Variants in NRXN3 observed in about 807,000 individuals in gnomAD.
The protein encoded by NRXN3 is neurexin 3, also known as neurexin III.
NRXN3 carries 32 observed loss-of-function variants against 137.6 expected under a neutral mutation model. That is an observed-to-expected ratio of 0.23 (90% CI 0.18 to 0.31). The LOEUF is 0.31. Ranked by LOEUF, NRXN3 falls within the 10% of genes least tolerant of loss-of-function variation. The pLI, the probability that NRXN3 is intolerant of heterozygous loss-of-function variation, is 1.00. For missense variants in NRXN3, 1,574 were observed against 2,062.5 expected (o/e 0.76, Z 4.59); for synonymous variants, 798 against 784.5 (o/e 1.02, Z -0.29).
intron 8 of NRXN3, among the ~76,000 whole-genome samples, chr14:78,798,264 A>T (rs771094591): frequency 8.5e-5 from 13 of 152,216 alleles, no homozygotes; most frequent in Non-Finnish European, 1.9e-4. Context: ...AAATATAGCC[A>T]TTCCAAAGGG....
intron 15 of NRXN3, among the ~76,000 whole-genome samples, chr14:79,027,567 G>A (rs369719045): frequency 3.5e-4 from 53 of 152,150 alleles, no homozygotes; most frequent in South Asian, 6.2e-4. Flanking sequence ...GTTAGCTGTC[G>A]CTTGCCTGAA....
At chr14:79,189,379 G>T (rs1005672149) in intron 15 of NRXN3, among the ~76,000 whole-genome samples, 2 of 117,284 alleles carry the variant, frequency 1.7e-5, no homozygotes, top group African/African-American at 6.6e-5. Flanking sequence ...ACACTCTGGG[G>T]ACTGTTGTGG....
At chr14:79,778,422 A>T (rs1364560991) in intron 19 of NRXN3, among the ~76,000 whole-genome samples, 1 of 152,204 alleles carries the variant, frequency 6.6e-6, no homozygotes, top group African/African-American at 2.4e-5. Flanking sequence ...TCTCAAAACA[A>T]AAAAACAAAA....
intron 15 of NRXN3, among the ~76,000 whole-genome samples, chr14:79,351,832 G>GTTAAATACACTTTAGT (rs2093221966): frequency 6.6e-6 from 1 of 152,100 alleles, no homozygotes; most frequent in Non-Finnish European, 1.5e-5. Context: ...GTATTCTAAA[G>GTTAAATACACTTTAGT]GCATTGGTGT....
At chr14:79,398,561 A>C (rs1279155362) in intron 15 of NRXN3, among the ~76,000 whole-genome samples, 1 of 152,050 alleles carries the variant, frequency 6.6e-6, no homozygotes, top group African/African-American at 2.4e-5. Context: ...GAAATTCTTC[A>C]AGATCCCTAG....
In NRXN3 at chr14:79,861,695, C is replaced by T. The variant is rs1301611925; in HGVS notation, c.4447C>T (p.Pro1483Ser). The change falls in exon 21 of 21, where the codon CCG (proline) becomes TCG (serine). Residue 1483 changes from proline to serine, a missense_variant. Transcript: ENST00000335750. This position sits in a 1 kb window ranked among gnomAD's most constrained non-coding sequence, Gnocchi z 5.4. ...CACGGAGCCGGGAATCAGACGGGTT[C>T]CGGGGGCCTCAGAGGTGATCCGGGA... ...NPTEPGIRRV[P>S]GASEVIRESS... 2.5e-6 allele frequency: 4 copies of T among 1,614,036 alleles called. No homozygotes were observed. The highest frequency in any genetic ancestry group is 3.4e-6 in the Non-Finnish European group (4 of 1,180,036).
intron 10 of NRXN3, among the ~76,000 whole-genome samples, chr14:78,873,973 TTTC>T (rs950412143): frequency 7.3e-6 from 1 of 136,758 alleles, no homozygotes; most frequent in African/African-American, 3.6e-5. Flanking sequence ...TTTTCTTTTC[TTTC>T]TTTTTTTTTT....
chr14:78,857,205 T>A (rs1186542188), intron 10 of NRXN3, among the ~76,000 whole-genome samples: 1 of 152,186 alleles, frequency 6.6e-6, no homozygotes, highest in African/African-American at 2.4e-5. Flanking sequence ...TTAGGCATAT[T>A]TACTGTCTTT....
chr14:79,131,855 GC>G (rs1207410281), intron 15 of NRXN3, among the ~76,000 whole-genome samples: 32 of 152,248 alleles, frequency 2.1e-4, no homozygotes, highest in African/African-American at 7.7e-4. Flanking sequence ...GACCCTCTGA[GC>G]CAGGTGTGGG....
At chr14:78,815,050 C>T (rs1212346113) in intron 10 of NRXN3, among the ~76,000 whole-genome samples, 1 of 152,116 alleles carries the variant, frequency 6.6e-6, no homozygotes, top group South Asian at 2.1e-4. Context: ...CATTATCTTT[C>T]TAAAATGGAG....
At chr14:79,811,901 A>C (rs1231985503) in intron 20 of NRXN3, among the ~76,000 whole-genome samples, 1 of 151,914 alleles carries the variant, frequency 6.6e-6, no homozygotes, top group East Asian at 1.9e-4. Flanking sequence ...ACTTTTTTAT[A>C]ACAGCCCCAA....
chr14:79,051,460 C>G (rs1460584563), intron 15 of NRXN3, among the ~76,000 whole-genome samples: 1 of 152,210 alleles, frequency 6.6e-6, no homozygotes, highest in Admixed American at 6.5e-5. Context: ...CCCAGACAGG[C>G]TGGCTCCAGG....
chr14:78,225,246 T>A (rs2064393403), intron 1 of NRXN3, among the ~76,000 whole-genome samples: 2 of 152,082 alleles, frequency 1.3e-5, no homozygotes, highest in Admixed American at 1.3e-4. Flanking sequence ...TTTCTCCACA[T>A]CCTCTCCAGC....
intron 8 of NRXN3, among the ~76,000 whole-genome samples, chr14:78,780,043 C>T (rs557378660): frequency 8.5e-5 from 13 of 152,160 alleles, no homozygotes; most frequent in African/African-American, 3.1e-4. Context: ...AAAGACTTGC[C>T]CAACTAGACA....
At chr14:78,589,725 G>A (rs1466512927) in intron 4 of NRXN3, among the ~76,000 whole-genome samples, 2 of 152,156 alleles carry the variant, frequency 1.3e-5, no homozygotes, top group Admixed American at 6.5e-5. Flanking sequence ...ACATGCCTGG[G>A]GCAGCAGGTG....
At chr14:79,580,435 G>GT (rs60451542) in intron 16 of NRXN3, among the ~76,000 whole-genome samples, 6,643 of 138,514 alleles carry the variant, frequency 0.048, 157 homozygotes, top group South Asian at 0.11. Context: ...AAAAGATTAT[G>GT]TTTTTTTTTT....
At chr14:79,330,895 G>T (rs558800530) in intron 15 of NRXN3, among the ~76,000 whole-genome samples, 1 of 152,342 alleles carries the variant, frequency 6.6e-6, no homozygotes, top group East Asian at 1.9e-4. Flanking sequence ...TGTTTATAGT[G>T]TAGATCCCCT....
intron 19 of NRXN3, among the ~76,000 whole-genome samples, chr14:79,715,411 T>C (rs2098820425): frequency 6.6e-6 from 1 of 152,200 alleles, no homozygotes; most frequent in South Asian, 2.1e-4. Flanking sequence ...TAAAAGACTG[T>C]GGAGATTCTG....
At chr14:78,502,059 A>AT (rs2095888021) in intron 4 of NRXN3, among the ~76,000 whole-genome samples, 1 of 152,146 alleles carries the variant, frequency 6.6e-6, no homozygotes, top group Non-Finnish European at 1.5e-5. Context: ...AGATGTCATC[A>AT]TCCCTCTTCT....
Sources: gnomAD v4.1 joint callset for allele counts (sites outside exome capture counted in the v4.1 genomes callset) on GRCh38, gnomAD v4.1.1 for gene constraint, Gnocchi (gnomAD v3.1) non-coding constraint, MANE v1.5 for transcripts, NCBI Gene and HGNC (gene_info 2026-07-23, HGNC 2026-07-21) for gene names.